ANOS1: variants seen among roughly 807,000 people sequenced by gnomAD.
The protein encoded by ANOS1 is anosmin-1.
ANOS1 carries 6 observed loss-of-function variants against 59.0 expected under a neutral mutation model. That is an observed-to-expected ratio of 0.10 (90% CI 0.06 to 0.20). ANOS1 has a LOEUF of 0.20. Among genes scored for constraint, ANOS1 ranks in the 10% least tolerant of loss-of-function variants. ANOS1 has a pLI of 1.00. For missense variants in ANOS1, 433 were observed against 542.3 expected (o/e 0.80, Z 2.00); for synonymous variants, 217 against 223.4 (o/e 0.97, Z 0.25).
At chrX:8,641,590 G>C (rs1034998426) in intron 2 of ANOS1, among the ~76,000 whole-genome samples, 3 of 112,092 alleles carry the variant, frequency 2.7e-5, no homozygotes, top group Non-Finnish European at 3.8e-5. Context: ...AATTACACTG[G>C]TGTGCATACA....
intron 2 of ANOS1, among the ~76,000 whole-genome samples, chrX:8,679,628 C>T (rs946040941): frequency 6.4e-5 from 7 of 109,905 alleles, no homozygotes; most frequent in African/African-American, 1.3e-4. Context: ...TGGTGGTTGC[C>T]GGGGGCTGAG....
rs191919833 is a variant in ANOS1 at position 8,619,561 on chromosome X, G to A, written c.318+4047C>T. On this transcript the variant is annotated intron_variant, in intron 3 of 13. Transcript: ENST00000262648. The stretch of plus-strand genomic sequence containing the variant: ...AGAGGTTGCAGTAAGCTGAGATTGC[G>A]CCACTGCACTCCAGCCTGGCAACAG... Among the ~76,000 whole-genome samples, 171 of 111,354 alleles carry A rather than the reference G, an allele frequency of 1.5e-3. 1 individual carries two copies. Among genetic ancestry groups the A allele is most frequent in the Non-Finnish European group, 2.3e-3 (121 of 53,014 alleles).
intron 9 of ANOS1, among the ~76,000 whole-genome samples, chrX:8,551,951 C>T (rs147782345): frequency 2.7e-5 from 3 of 112,079 alleles, no homozygotes; most frequent in Non-Finnish European, 3.8e-5. Context: ...CCAGACTGGG[C>T]GACAGATCAA....
At chrX:8,572,100 T>C (rs954294509) in intron 6 of ANOS1, among the ~76,000 whole-genome samples, 3 of 106,608 alleles carry the variant, frequency 2.8e-5, no homozygotes, top group African/African-American at 1.0e-4. Context: ...ATTGAAAGCA[T>C]ATTATGTGAT....
At chrX:8,572,826 C>T (rs921054390) in intron 6 of ANOS1, among the ~76,000 whole-genome samples, 1 of 111,044 alleles carries the variant, frequency 9.0e-6, no homozygotes, top group African/African-American at 3.3e-5. Context: ...GGTAGATGAC[C>T]TGCAGGTCAA....
chrX:8,567,589 C>T (rs1449695613), intron 8 of ANOS1, among the ~76,000 whole-genome samples: 1 of 111,532 alleles, frequency 9.0e-6, no homozygotes, highest in Non-Finnish European at 1.9e-5. Context: ...AGGTCAGGAG[C>T]TCGAGGCCAG....
chrX:8,627,695 C>A (rs978351010), intron 2 of ANOS1, among the ~76,000 whole-genome samples: 2 of 110,177 alleles, frequency 1.8e-5, no homozygotes, highest in Non-Finnish European at 3.8e-5. Context: ...GATAAGTTTG[C>A]CAAAAGTCTA....
intron 3 of ANOS1, among the ~76,000 whole-genome samples, chrX:8,614,867 G>A (rs12858272): frequency 1.8e-3 from 85 of 47,282 alleles, no homozygotes; most frequent in African/African-American, 3.9e-3. Flanking sequence ...AGTAATATAA[G>A]AAAAATATAA....
intron 2 of ANOS1, among the ~76,000 whole-genome samples, chrX:8,667,786 G>C (rs1001445490): frequency 9.0e-6 from 1 of 111,143 alleles, no homozygotes; most frequent in African/African-American, 3.3e-5. Flanking sequence ...GTTTTTAGAA[G>C]ACATTCTCCC....
chrX:8,664,953 C>A (rs1216960733), intron 2 of ANOS1, among the ~76,000 whole-genome samples: 2 of 111,828 alleles, frequency 1.8e-5, no homozygotes, highest in African/African-American at 6.5e-5. Context: ...ATCGTCTCCC[C>A]CAGGGCTCTC....
At chrX:8,662,715 CAT>C (rs1428750930) in intron 2 of ANOS1, among the ~76,000 whole-genome samples, 2 of 112,375 alleles carry the variant, frequency 1.8e-5, no homozygotes, top group African/African-American at 6.5e-5. Flanking sequence ...CAGAGATACA[CAT>C]AGAGGGAAAA....
At chrX:8,594,569 A>C (rs1179267513) in intron 4 of ANOS1, among the ~76,000 whole-genome samples, 1 of 97,652 alleles carries the variant, frequency 1.0e-5, no homozygotes, top group Non-Finnish European at 2.0e-5. Context: ...ATTAAGAGGC[A>C]CTGTCAAAGC....
chrX:8,555,885 CA>C (rs1488001421), intron 8 of ANOS1, among the ~76,000 whole-genome samples: 1 of 112,240 alleles, frequency 8.9e-6, no homozygotes, highest in African/African-American at 3.2e-5. Flanking sequence ...GGCAGAGATA[CA>C]ACAAAAAAAG....
chrX:8,609,646 G>A (rs1931006853), intron 3 of ANOS1, among the ~76,000 whole-genome samples: 1 of 110,922 alleles, frequency 9.0e-6, no homozygotes, highest in Non-Finnish European at 1.9e-5. Context: ...AGTTTCAATG[G>A]GAAATCATTA....
intron 2 of ANOS1, among the ~76,000 whole-genome samples, chrX:8,669,567 T>C (rs773248834): frequency 9.7e-5 from 10 of 103,197 alleles, no homozygotes; most frequent in African/African-American, 3.6e-4. Context: ...GGGTCTGAAA[T>C]GGAATGCCTT....
chrX:8,537,689 C>T (rs895471296), intron 10 of ANOS1, among the ~76,000 whole-genome samples: 2 of 110,096 alleles, frequency 1.8e-5, no homozygotes, highest in Non-Finnish European at 3.8e-5. Context: ...GTGGGAGGAT[C>T]GCTTGAACTC....
At chrX:8,548,244 A>G (rs1034928159) in intron 9 of ANOS1, among the ~76,000 whole-genome samples, 1 of 112,057 alleles carries the variant, frequency 8.9e-6, no homozygotes, top group Non-Finnish European at 1.9e-5. Flanking sequence ...TGTCAGACAC[A>G]GGATTTGTGT....
chrX:8,567,392 C>T (rs889292857), intron 8 of ANOS1, among the ~76,000 whole-genome samples: 3 of 111,856 alleles, frequency 2.7e-5, no homozygotes, highest in Non-Finnish European at 5.6e-5. Context: ...CCTATCCACT[C>T]GCGTACATAC....
chrX:8,610,001 C>T (rs1324663164), intron 3 of ANOS1, among the ~76,000 whole-genome samples: 4 of 44,264 alleles, frequency 9.0e-5, no homozygotes, highest in African/African-American at 5.2e-4. Context: ...AGCAAGACTC[C>T]ATCTCAAAAA....
Sources: gnomAD v4.1 joint callset for allele counts (sites outside exome capture counted in the v4.1 genomes callset) on GRCh38, gnomAD v4.1.1 for gene constraint, MANE v1.5 for transcripts, NCBI Gene and HGNC (gene_info 2026-07-23, HGNC 2026-07-21) for gene names.